Variants in PLXND1 observed in about 807,000 individuals in gnomAD.
PLXND1 encodes the protein plexin-D1.
In PLXND1, 54 loss-of-function variants were observed where a neutral mutation model predicts 197.7. The ratio of observed to expected loss-of-function variants is 0.27; its 90% CI spans 0.22 to 0.34. The LOEUF (loss-of-function observed/expected upper bound fraction) is 0.34, where lower values mean the gene tolerates loss of function less well. Among genes scored for constraint, PLXND1 ranks in the 10% least tolerant of loss-of-function variants. The probability of loss-of-function intolerance (pLI) is 1.00; values close to 1 mark genes in which losing one functional copy is unlikely to be tolerated. For missense variants in PLXND1, 2,127 were observed against 2,699.2 expected, an observed-to-expected ratio of 0.79 and a Z score of 4.70; for synonymous variants, 1,180 against 1,161.2, an observed-to-expected ratio of 1.02 and a Z score of -0.33.
At chr3:129,574,875 C>T (rs902048948) in intron 11 of PLXND1, among the ~76,000 whole-genome samples, 2 of 152,220 alleles carry the variant, frequency 1.3e-5, no homozygotes, top group Admixed American at 6.5e-5. Flanking sequence ...TGATCAACCC[C>T]GGCGGGGCCC....
rs547499772 is a variant in PLXND1, at chr3:129,559,604, C to T, written c.5297+16G>A. On this transcript the variant is annotated intron_variant, in intron 32 of 35. Coordinates refer to ENST00000324093, the MANE Select transcript of PLXND1 (RefSeq NM_015103.3). ...CAGTGGCACAGTGAAGTCCACACGGCCCCCCCACCCGCCACCTGTTGGTCT... is the reference window on the plus strand; with the variant it reads ...CAGTGGCACAGTGAAGTCCACACGGTCCCCCCACCCGCCACCTGTTGGTCT... The T allele has an allele frequency of 2.6e-5, 30 of 1,156,988 alleles. No homozygotes were observed. In the African/African-American group the frequency reaches 4.3e-4, roughly 17 times the overall value. 71.7% of individuals were successfully genotyped at this position (1,156,988 alleles called of 1,614,324 possible).
At chr3:129,589,307 G>GCCGGCCCCCCCCCCCCCCCCCCCCCCCCC in intron 2 of PLXND1, 44 bp downstream of exon 2, 2 of 684,692 alleles carry the variant, frequency 2.9e-6, no homozygotes, top group Admixed American at 2.3e-5. Context: ...TCCCAGGGGA[G>GCCGGCCCCCCCCCCCCCCCCCCCCCCCCC]CCTCCCACCC....
chr3:129,605,304 C>CGCA, intron 1 of PLXND1, 25 bp downstream of exon 1: 1 of 1,222,786 alleles, frequency 8.2e-7, no homozygotes, highest in Non-Finnish European at 1.0e-6. Flanking sequence ...CCGCCGCCGC[C>CGCA]GCCGCCGCCA....
chr3:129,584,009 T>G, intron 7 of PLXND1, 116 bp downstream of exon 7: 1 of 687,142 alleles, frequency 1.5e-6, no homozygotes, highest in Non-Finnish European at 2.7e-6. Context: ...CTGAAGGGCC[T>G]GTCTACCTCT....
rs1380478054 is a variant in PLXND1, at chr3:129,605,831, C to T, written c.809G>A (p.Gly270Asp). 9 of 1,612,416 alleles carry T rather than the reference C, an allele frequency of 5.6e-6. No individual in the cohort carries two copies. The highest frequency in any genetic ancestry group is 7.6e-6 in the Non-Finnish European group (9 of 1,179,452). The change falls in exon 1 of 36, where the codon GGC (glycine) becomes GAC (aspartate). Residue 270 changes from glycine to aspartate, a missense_variant. Physicochemically the swap from Gly to Asp is moderately conservative, Grantham distance 94 (BLOSUM62 -1). Coordinates refer to ENST00000324093, the MANE Select transcript of PLXND1 (RefSeq NM_015103.3). ...SDDNILKIKQGAKEQHKLGFV... is the reference protein window; with the variant it reads ...SDDNILKIKQDAKEQHKLGFV... Reference sequence around the variant, plus strand: ...GCCCAGCTTGTGCTGCTCCTTGGCGCCCTGCTTGATCTTGAGGATGTTGTC... The same window carrying T: ...GCCCAGCTTGTGCTGCTCCTTGGCGTCCTGCTTGATCTTGAGGATGTTGTC...
In PLXND1 at chr3:129,567,498, G is replaced by T. The variant is rs1439304202; in HGVS notation, c.4080C>A (p.Phe1360Leu). 1 of 1,591,416 alleles carries T rather than the reference G, an allele frequency of 6.3e-7. No homozygotes were observed. The highest frequency in any genetic ancestry group is 1.7e-5 in the Admixed American group (1 of 58,750). ...GGCTCAGGCTCGGGCTGACCTTGGGGAAGAAGGTGCGGGTCACGAAGTGCT... is the reference window on the plus strand; with the variant it reads ...GGCTCAGGCTCGGGCTGACCTTGGGTAAGAAGGTGCGGGTCACGAAGTGCT... ...EYKHFVTRTFFPKCSSLYEER... is the reference protein window; with the variant it reads ...EYKHFVTRTFLPKCSSLYEER... Residue 1360 changes from phenylalanine (F) to leucine (L), a missense_variant, in exon 22 of 36, where the codon TTC becomes TTA. Phe to Leu is a conservative substitution (Grantham distance 22). Transcript: ENST00000324093.
intron 22 of PLXND1, among the ~76,000 whole-genome samples, chr3:129,567,103 G>A (rs2085151930): frequency 6.6e-6 from 1 of 152,096 alleles, no homozygotes; most frequent in South Asian, 2.1e-4. Flanking sequence ...TGGGGCAGGA[G>A]TCCAGTGGAC....
chr3:129,592,704 C>T (rs982281258), intron 1 of PLXND1, among the ~76,000 whole-genome samples: 3 of 152,350 alleles, frequency 2.0e-5, no homozygotes, highest in African/African-American at 7.2e-5. Context: ...CGTTTTTTCC[C>T]CTTATCCTAA....
chr3:129,570,778 C>A lies in PLXND1; in HGVS notation c.3750+8G>T. The A allele has an allele frequency of 6.2e-7, 1 of 1,613,820 alleles. No homozygotes were observed. The highest frequency in any genetic ancestry group is 8.5e-7 in the Non-Finnish European group (1 of 1,179,788). On this transcript the variant is annotated splice_region_variant and intron_variant, in intron 19 of 35. Transcript: ENST00000324093. Reference sequence around the variant, plus strand: ...GGTCTGCCCTGCTCCGGCGCCCCATCCACTCACTGTGATGGGCAGCTGCCC... The same window carrying A: ...GGTCTGCCCTGCTCCGGCGCCCCATACACTCACTGTGATGGGCAGCTGCCC...
chr3:129,605,454 C>G lies in PLXND1; in HGVS notation c.1186G>C (p.Val396Leu), dbSNP rs962207536. 8 of 1,501,762 alleles carry G rather than the reference C, an allele frequency of 5.3e-6. No individual in the cohort carries two copies. In the East Asian group the frequency reaches 1.9e-4, roughly 36 times the overall value. 93.0% of individuals were successfully genotyped at this position (1,501,762 alleles called of 1,614,324 possible). ...CGCGCAGCTCGGATGGCGGCTCGCACGTCGGCGAAGCGGAAGGCGCAGAGT... is the reference window on the plus strand; with the variant it reads ...CGCGCAGCTCGGATGGCGGCTCGCAGGTCGGCGAAGCGGAAGGCGCAGAGT... ...AALCAFRFAD[V>L]RAAIRAARTA... Residue 396 changes from valine (V) to leucine (L), a missense_variant, in exon 1 of 36, where the codon GTG becomes CTG. Coordinates refer to ENST00000324093, the MANE Select transcript of PLXND1 (RefSeq NM_015103.3).
At chr3:129,594,060 G>A (rs1560080956) in intron 1 of PLXND1, among the ~76,000 whole-genome samples, 2 of 152,174 alleles carry the variant, frequency 1.3e-5, no homozygotes, top group Non-Finnish European at 1.5e-5. Flanking sequence ...ACATCCTGCC[G>A]CAGACCCACC....
At position 129,566,006 on chromosome 3, in the gene PLXND1, G is replaced by C; in HGVS notation, c.4203C>G (p.Ser1401Arg). The C allele has an allele frequency of 1.9e-6, 3 of 1,614,136 alleles. No individual in the cohort carries two copies. Among genetic ancestry groups the C allele is most frequent in the Non-Finnish European group, 2.5e-6 (3 of 1,179,976 alleles). Residue 1401 changes from serine (S) to arginine (R), a missense_variant, in exon 24 of 36, where the codon AGC becomes AGG. By Grantham distance (110) the Ser-to-Arg change is moderately radical. This residue lies in a region of PLXND1 where 532 missense variants were observed against 811.0 expected (regional missense o/e 0.66). Transcript: ENST00000324093. ...PLLGEWKIPE[S>R]CRPNMEEGIS... ...TTCCCTCTTCCATGTTGGGCCGGCA[G>C]CTCTCAGGAATCTGTGGAAGCAACT... is the stretch of plus-strand genomic sequence containing the variant.
At position 129,572,907 on chromosome 3, in the gene PLXND1, G is replaced by A. The variant is rs1167464809; in HGVS notation, c.2872C>T (p.Leu958Phe). Reference sequence around the variant, plus strand: ...GCGTTCACGGTCACCACACCTGAGAGTGGTCCTGGGGCTGGCCCTGTGACA... The same window carrying A: ...GCGTTCACGGTCACCACACCTGAGAATGGTCCTGGGGCTGGCCCTGTGACA... ...VCVTGPAPGP[L>F]SGVVTVNASK... Residue 958 changes from leucine to phenylalanine, a missense_variant, in exon 14 of 36, where the codon CTC becomes TTC. Around this residue, in one of 6 missense-constraint regions of PLXND1, gnomAD observed 1,095 missense variants for 1,259.8 expected, o/e 0.87. Coordinates refer to ENST00000324093, the MANE Select transcript of PLXND1 (RefSeq NM_015103.3). 1 of 1,613,806 alleles carries A rather than the reference G, an allele frequency of 6.2e-7. No homozygotes were observed. The highest frequency in any genetic ancestry group is 2.2e-5 in the East Asian group (1 of 44,882).
rs1255012579 is a variant in PLXND1, at chr3:129,605,486, G to C, written c.1154C>G (p.Pro385Arg). The stretch of plus-strand genomic sequence containing the variant: ...GAAGCGGAAGGCGCAGAGTGCGGCC[G>C]GAGCAGCGCGGGCCGCGGGGGACCC... ...PQGSPAARAAPAALCAFRFAD... is the reference protein window; with the variant it reads ...PQGSPAARAARAALCAFRFAD... Residue 385 changes from proline (P) to arginine (R), a missense_variant, in exon 1 of 36, where the codon CCG becomes CGG. This residue lies in a region of PLXND1 where 1,095 missense variants were observed against 1,259.8 expected (regional missense o/e 0.87). Transcript: ENST00000324093. The C allele has an allele frequency of 1.2e-5, 18 of 1,488,950 alleles. No individual in the cohort carries two copies. The highest frequency in any genetic ancestry group is 2.0e-4 in the Middle Eastern group (1 of 4,914). The allele number at this position is 1,488,950 out of a possible 1,614,324, so 92.2% of individuals were successfully genotyped here. A position where few individuals can be genotyped will look rare whatever the true frequency, so the allele number is the denominator to read the frequency against.
intron 15 of PLXND1, among the ~76,000 whole-genome samples, 177 bp downstream of exon 15, chr3:129,572,432 C>A (rs1362200559): frequency 6.6e-6 from 1 of 152,242 alleles, no homozygotes; most frequent in Non-Finnish European, 1.5e-5. Flanking sequence ...ATTACTGGTA[C>A]TATTCTTACC....
chr3:129,567,646 T>A, intron 21 of PLXND1, 42 bp from the exon 22 acceptor site: 1 of 1,580,586 alleles, frequency 6.3e-7, no homozygotes, highest in Non-Finnish European at 8.7e-7. Flanking sequence ...CGAGAACCCA[T>A]CCCCTAGGAG....
At chr3:129,562,744 C>A in intron 27 of PLXND1, 43 bp downstream of exon 27, 2 of 1,559,862 alleles carry the variant, frequency 1.3e-6, no homozygotes, top group South Asian at 1.2e-5. Context: ...CCAGCCCCGG[C>A]TGAAGCGCCT....
intron 5 of PLXND1, 139 bp downstream of exon 5, chr3:129,585,813 C>T (rs1014093538): frequency 1.7e-6 from 2 of 1,192,332 alleles, no homozygotes; most frequent in African/African-American, 3.0e-5. Flanking sequence ...AAAGCCCAGT[C>T]ATTGTCACTG....
intron 8 of PLXND1, among the ~76,000 whole-genome samples, chr3:129,579,345 C>T (rs2108784094): frequency 6.6e-6 from 1 of 152,234 alleles, no homozygotes; most frequent in East Asian, 1.9e-4. Context: ...AGGTCTAGCC[C>T]CGCTGCAGGG....
Sources: allele counts gnomAD v4.1 joint callset (sites outside exome capture counted in the v4.1 genomes callset), GRCh38; gene constraint gnomAD v4.1.1; regional missense constraint gnomAD v4.1.1; transcripts MANE v1.5; gene names NCBI Gene and HGNC (gene_info 2026-07-23, HGNC 2026-07-21).